Variants in GABBR2 observed in about 807,000 individuals in gnomAD.
GABBR2 encodes the protein G-protein coupled receptor 51.
A neutral mutation model predicts 105.6 loss-of-function variants in GABBR2; 23 were observed. The ratio of observed to expected loss-of-function variants is 0.22; its 90% confidence interval spans 0.16 to 0.31. The LOEUF is 0.31. Among genes scored for constraint, GABBR2 ranks in the 10% least tolerant of loss-of-function variants. The pLI, the probability that GABBR2 is intolerant of heterozygous loss-of-function variation, is 1.00. For synonymous variants in GABBR2, 478 were observed against 499.7 expected (o/e 0.96, Z 0.58); for missense variants, 734 against 1,245.5 (o/e 0.59, Z 6.18).
intron 13 of GABBR2, among the ~76,000 whole-genome samples, chr9:98,355,070 G>A (rs1831462125): frequency 6.6e-6 from 1 of 152,118 alleles, no homozygotes; most frequent in Non-Finnish European, 1.5e-5. Context: ...GTGTCTTAGA[G>A]AATAGGGCAA....
At chr9:98,337,319 T>C (rs1186601404) in intron 13 of GABBR2, among the ~76,000 whole-genome samples, 1 of 151,882 alleles carries the variant, frequency 6.6e-6, no homozygotes, top group East Asian at 1.9e-4. Context: ...GAAAAAAAAA[T>C]TGCTGAAAGA....
At chr9:98,446,974 C>CTGGGTAGAG (rs1295933799) in intron 7 of GABBR2, among the ~76,000 whole-genome samples, 1 of 152,076 alleles carries the variant, frequency 6.6e-6, no homozygotes, top group African/African-American at 2.4e-5. Context: ...CAAATCTTGA[C>CTGGGTAGAG]TGGGTAGAGT....
intron 7 of GABBR2, among the ~76,000 whole-genome samples, chr9:98,406,599 C>T (rs1832494837): frequency 6.6e-6 from 1 of 152,162 alleles, no homozygotes; most frequent in Admixed American, 6.6e-5. Flanking sequence ...TGCTAGAGGT[C>T]TGTTGGTATT....
In GABBR2 at chr9:98,472,039, G is replaced by A. The variant is rs1366373065; in HGVS notation, c.999+1107C>T. Among the ~76,000 whole-genome samples, 4 of 152,190 alleles carry A rather than the reference G, an allele frequency of 2.6e-5. No individual in the cohort carries two copies. The East Asian group carries it at 7.7e-4, about 29-fold the overall frequency. On this transcript the variant is annotated intron_variant, in intron 6 of 18. Coordinates refer to ENST00000259455, the MANE Select transcript of GABBR2 (RefSeq NM_005458.8). Reference sequence around the variant, plus strand: ...CAAATCGATAAATCATTCATGTAGAGTTGGTTCCAATTGAGATTAAATAAT... The same window carrying A: ...CAAATCGATAAATCATTCATGTAGAATTGGTTCCAATTGAGATTAAATAAT...
chr9:98,658,943 A>C (rs1161319723), intron 1 of GABBR2, among the ~76,000 whole-genome samples: 1 of 152,238 alleles, frequency 6.6e-6, no homozygotes. Context: ...CCTTCATAAG[A>C]ACTTTTCTTC....
At chr9:98,478,846 T>C (rs566097195) in intron 5 of GABBR2, among the ~76,000 whole-genome samples, 1 of 152,288 alleles carries the variant, frequency 6.6e-6, no homozygotes, top group African/African-American at 2.4e-5. Flanking sequence ...ATCATTTTTA[T>C]TAATTTATTT....
chr9:98,305,043 G>A (rs1302252007), intron 15 of GABBR2, among the ~76,000 whole-genome samples: 1 of 152,060 alleles, frequency 6.6e-6, no homozygotes, highest in Non-Finnish European at 1.5e-5. Flanking sequence ...AAAGTGCTGG[G>A]ATTACAGGCA....
intron 1 of GABBR2, among the ~76,000 whole-genome samples, chr9:98,596,685 T>A (rs1042594053): frequency 6.6e-6 from 1 of 152,194 alleles, no homozygotes; most frequent in African/African-American, 2.4e-5. Flanking sequence ...TCTGTTGACA[T>A]GACAACCAGG....
chr9:98,416,493 C>T (rs534730307), intron 7 of GABBR2, among the ~76,000 whole-genome samples: 35 of 152,202 alleles, frequency 2.3e-4, no homozygotes, highest in Non-Finnish European at 3.8e-4. Context: ...TGTTAGCTTC[C>T]GCCAACAGGA....
chr9:98,317,020 G>A (rs1297199161), intron 13 of GABBR2, among the ~76,000 whole-genome samples: 1 of 152,214 alleles, frequency 6.6e-6, no homozygotes, highest in African/African-American at 2.4e-5. Flanking sequence ...GACAGTGGGT[G>A]TAACCGGCTC....
intron 11 of GABBR2, among the ~76,000 whole-genome samples, chr9:98,385,067 G>A (rs527822419): frequency 6.6e-6 from 1 of 152,314 alleles, no homozygotes; most frequent in South Asian, 2.1e-4. Context: ...GGGAGGATCT[G>A]TTCCTTCTTA....
intron 1 of GABBR2, chr9:98,607,569 AG>A: frequency 4.5e-6 from 3 of 668,202 alleles, no homozygotes; most frequent in East Asian, 2.5e-5. Flanking sequence ...TTGGTGTGGT[AG>A]GTAGTAATAC....
intron 1 of GABBR2, among the ~76,000 whole-genome samples, chr9:98,583,570 G>A (rs1829031291): frequency 6.6e-6 from 1 of 152,230 alleles, no homozygotes; most frequent in Admixed American, 6.5e-5. Context: ...ACAGAGTATA[G>A]TGTTTGTCTC....
intron 13 of GABBR2, among the ~76,000 whole-genome samples, chr9:98,344,366 C>A (rs556073217): frequency 1.3e-5 from 2 of 152,066 alleles, no homozygotes; most frequent in East Asian, 1.9e-4. Flanking sequence ...ATTTTAAAAA[C>A]CTTTTTAACA....
At chr9:98,351,906 AT>A (rs1430586409) in intron 13 of GABBR2, among the ~76,000 whole-genome samples, 1 of 152,190 alleles carries the variant, frequency 6.6e-6, no homozygotes, top group African/African-American at 2.4e-5. Flanking sequence ...AATTTCTTGT[AT>A]CCTTACATTG....
intron 7 of GABBR2, among the ~76,000 whole-genome samples, chr9:98,426,683 A>C (rs1825700063): frequency 6.6e-6 from 1 of 152,206 alleles, no homozygotes; most frequent in South Asian, 2.1e-4. Flanking sequence ...TCCATCAGCT[A>C]AAATATCTTC....
intron 11 of GABBR2, among the ~76,000 whole-genome samples, chr9:98,382,022 G>A (rs1044517959): frequency 6.6e-5 from 10 of 152,120 alleles, no homozygotes; most frequent in Admixed American, 3.9e-4. Flanking sequence ...TGAACAAGGC[G>A]AGATGTCAGG....
intron 6 of GABBR2, among the ~76,000 whole-genome samples, chr9:98,459,108 A>T (rs992389202): frequency 9.2e-5 from 14 of 152,122 alleles, no homozygotes; most frequent in African/African-American, 3.4e-4. Flanking sequence ...TGCTCCCTTT[A>T]TACACAACAG....
chr9:98,510,355 G>T (rs1189342156), intron 3 of GABBR2, among the ~76,000 whole-genome samples: 9 of 152,326 alleles, frequency 5.9e-5, no homozygotes, highest in Middle Eastern at 3.4e-3. Flanking sequence ...GGAAGAAACT[G>T]CATCAACTAA....
Sources: gnomAD v4.1 joint callset for allele counts (sites outside exome capture counted in the v4.1 genomes callset) on GRCh38, gnomAD v4.1.1 for gene constraint, MANE v1.5 for transcripts, NCBI Gene and HGNC (gene_info 2026-07-23, HGNC 2026-07-21) for gene names.